The following BCAS3 variants were observed in gnomAD, a reference collection of about 807,000 sequenced individuals.
The protein encoded by BCAS3 is BCAS3 microtubule associated cell migration factor.
A neutral mutation model predicts 116.1 loss-of-function variants in BCAS3; 53 were observed. The observed-to-expected ratio is 0.46, with a 90% confidence interval of 0.37 to 0.57. The LOEUF (loss-of-function observed/expected upper bound fraction) is 0.57, where lower values mean the gene tolerates loss of function less well. BCAS3 is among the 20% of genes least tolerant of loss of function. The pLI is 0.00. For missense variants in BCAS3, 917 were observed against 1,165.4 expected (o/e 0.79, Z 3.10); for synonymous variants, 391 against 408.2 (o/e 0.96, Z 0.51).
In BCAS3 at chr17:61,366,122, G is replaced by A. The variant is rs1035826440; in HGVS notation, c.2426-2205G>A. ...CATACCACTGCACTCCATCCTGGGC[G>A]ACAGAGTGAGACTGTCTCAAAAAAA... On this transcript the variant is annotated intron_variant, in intron 22 of 23. Transcript: ENST00000407086. The surrounding 1 kb of genome is among the most constrained non-coding windows in gnomAD (Gnocchi z 4.5). 1.4e-5 allele frequency among the ~76,000 whole-genome samples: 2 copies of A among 145,796 alleles called. No individual in the cohort carries two copies. Among genetic ancestry groups the A allele is most frequent in the Non-Finnish European group, 3.0e-5 (2 of 66,558 alleles).
At chr17:61,038,674 T>TTTTTG (rs2067251898) in intron 18 of BCAS3, among the ~76,000 whole-genome samples, 1 of 134,976 alleles carries the variant, frequency 7.4e-6, no homozygotes, top group Non-Finnish European at 1.5e-5. Flanking sequence ...TTTTGTTTTT[T>TTTTTG]TTTTTTTTTT....
chr17:61,178,609 G>A (rs544636951), intron 22 of BCAS3, among the ~76,000 whole-genome samples: 30 of 152,272 alleles, frequency 2.0e-4, no homozygotes, highest in South Asian at 2.1e-4. Flanking sequence ...GAAGCCAGTA[G>A]TCATTGTTAT....
In BCAS3 at chr17:61,063,265, T is replaced by C. The variant is rs1309889953; in HGVS notation, c.2030-11655T>C. ...GGTTTATTTACAGTTTTTTGTTTTT[T>C]TGTTGTTTTGGTTTTTTTTTTTGAG... is the stretch of plus-strand genomic sequence containing the variant. On this transcript the variant is annotated intron_variant, in intron 19 of 23. Coordinates refer to ENST00000407086, the MANE Select transcript of BCAS3 (RefSeq NM_017679.5). This position sits in a 1 kb window ranked among gnomAD's most constrained non-coding sequence, Gnocchi z 5.3. Among the ~76,000 whole-genome samples the C allele has an allele frequency of 6.6e-6, 1 of 151,792 alleles. No individual in the cohort carries two copies. The highest frequency in any genetic ancestry group is 2.4e-5 in the African/African-American group (1 of 41,236).
At chr17:61,000,797 A>G (rs1233527722) in intron 15 of BCAS3, among the ~76,000 whole-genome samples, 1 of 152,192 alleles carries the variant, frequency 6.6e-6, no homozygotes, top group Non-Finnish European at 1.5e-5. Context: ...CTACATTGCT[A>G]CACCAATGCA....
intron 22 of BCAS3, among the ~76,000 whole-genome samples, chr17:61,250,396 A>G (rs538015577): frequency 2.6e-5 from 4 of 152,308 alleles, no homozygotes; most frequent in South Asian, 4.1e-4. Flanking sequence ...GATTTTCAAT[A>G]TATTGTACGA....
At chr17:60,853,195 T>C (rs2053330925) in intron 7 of BCAS3, among the ~76,000 whole-genome samples, 1 of 152,254 alleles carries the variant, frequency 6.6e-6, no homozygotes, top group South Asian at 2.1e-4. Flanking sequence ...CTGATAATTG[T>C]ACTGTATGAT....
intron 9 of BCAS3, among the ~76,000 whole-genome samples, chr17:60,876,252 C>G (rs1159036683): frequency 6.6e-6 from 1 of 152,036 alleles, no homozygotes; most frequent in Non-Finnish European, 1.5e-5. Flanking sequence ...TAAATCTTTT[C>G]TACAACTTAA....
chr17:60,792,082 C>G (rs2046817198), intron 6 of BCAS3, among the ~76,000 whole-genome samples: 1 of 152,182 alleles, frequency 6.6e-6, no homozygotes, highest in Admixed American at 6.5e-5. Context: ...GAGATCGTGC[C>G]ACTGTACTCC....
At chr17:60,958,425 G>A (rs1247119684) in intron 14 of BCAS3, among the ~76,000 whole-genome samples, 1 of 152,110 alleles carries the variant, frequency 6.6e-6, no homozygotes, top group Non-Finnish European at 1.5e-5. Context: ...AAAATCAGTT[G>A]CATTTCTATA....
chr17:61,164,038 A>T (rs1347360868), intron 22 of BCAS3, among the ~76,000 whole-genome samples: 7 of 150,612 alleles, frequency 4.6e-5, no homozygotes, highest in Admixed American at 4.0e-4. Context: ...AAATAAATCA[A>T]AGATTTATTT....
At chr17:61,342,429 A>G (rs1299575646) in intron 22 of BCAS3, among the ~76,000 whole-genome samples, 1 of 152,142 alleles carries the variant, frequency 6.6e-6, no homozygotes, top group African/African-American at 2.4e-5. Flanking sequence ...TACAGGCATG[A>G]GCCACCGTGC....
chr17:60,722,890 G>A (rs958651353), intron 5 of BCAS3, among the ~76,000 whole-genome samples: 1 of 151,964 alleles, frequency 6.6e-6, no homozygotes. Flanking sequence ...CATAGACCCT[G>A]TCTTGACCAA....
chr17:61,084,974 T>TA lies in BCAS3; in HGVS notation c.2425+411dup, dbSNP rs2072960823. 6.6e-6 allele frequency among the ~76,000 whole-genome samples: 1 copy of TA among 152,256 alleles called. No homozygotes were observed. The highest frequency in any genetic ancestry group is 2.1e-4 in the South Asian group (1 of 4,838). ...TAGAGAGGAGACAGTCCAAATGCTA[T>TA]AGCTTGAATGATTTTATTATCAAAA... On this transcript the variant is annotated intron_variant, in intron 22 of 23. Transcript: ENST00000407086. The surrounding 1 kb of genome is among the most constrained non-coding windows in gnomAD (Gnocchi z 5.5).
At chr17:61,242,446 A>C (rs1234100043) in intron 22 of BCAS3, among the ~76,000 whole-genome samples, 1 of 152,140 alleles carries the variant, frequency 6.6e-6, no homozygotes, top group East Asian at 1.9e-4. Flanking sequence ...TTTTAGACCA[A>C]ATACACGTTT....
At chr17:61,060,750 A>G (rs999801088) in intron 19 of BCAS3, among the ~76,000 whole-genome samples, 3 of 152,252 alleles carry the variant, frequency 2.0e-5, no homozygotes, top group African/African-American at 7.2e-5. Context: ...AACAATTTAC[A>G]ACATTCTACC....
chr17:60,749,903 C>T (rs2042306188), intron 6 of BCAS3, among the ~76,000 whole-genome samples: 1 of 152,174 alleles, frequency 6.6e-6, no homozygotes, highest in East Asian at 1.9e-4. Context: ...CACGGTGGTT[C>T]ATGCCTGTAA....
At chr17:61,163,721 T>G (rs966634241) in intron 22 of BCAS3, among the ~76,000 whole-genome samples, 1 of 152,022 alleles carries the variant, frequency 6.6e-6, no homozygotes, top group African/African-American at 2.4e-5. Context: ...GCACGGTGGC[T>G]CACGCCTGTA....
chr17:61,295,500 A>C (rs1174715759), intron 22 of BCAS3, among the ~76,000 whole-genome samples: 1 of 151,920 alleles, frequency 6.6e-6, no homozygotes, highest in Non-Finnish European at 1.5e-5. Context: ...TGCCAGGGGA[A>C]CTCCTTTCCT....
At chr17:61,317,981 C>G (rs938331064) in intron 22 of BCAS3, among the ~76,000 whole-genome samples, 3 of 152,100 alleles carry the variant, frequency 2.0e-5, no homozygotes, top group Admixed American at 6.5e-5. Flanking sequence ...GCAAGCTGTT[C>G]TGGCAGGCGT....
Sources: allele counts gnomAD v4.1 joint callset (sites outside exome capture counted in the v4.1 genomes callset), GRCh38; gene constraint gnomAD v4.1.1; non-coding constraint Gnocchi (gnomAD v3.1); transcripts MANE v1.5; gene names NCBI Gene and HGNC (gene_info 2026-07-23, HGNC 2026-07-21).